ANKFN1: variants seen among roughly 807,000 people sequenced by gnomAD.
ANKFN1 encodes ankyrin repeat and fibronectin type III domain containing 1, also known as ankyrin repeat and fibronectin type-III domain-containing protein 1.
ANKFN1 carries 74 observed loss-of-function variants against 108.7 expected under a neutral mutation model. That is an observed-to-expected ratio of 0.68 (90% CI 0.56 to 0.83). ANKFN1 has a LOEUF of 0.83. Ranked by LOEUF, ANKFN1 falls within the 40% of genes least tolerant of loss-of-function variation. The pLI, the probability that ANKFN1 is intolerant of heterozygous loss-of-function variation, is 0.00. For synonymous variants in ANKFN1, 547 were observed against 516.2 expected (o/e 1.06, Z -0.81); for missense variants, 1,505 against 1,382.3 (o/e 1.09, Z -1.41).
At chr17:56,353,713 G>T in intron 5 of ANKFN1, 123 bp from the exon 6 acceptor site, 1 of 783,972 alleles carries the variant, frequency 1.3e-6, no homozygotes, top group Non-Finnish European at 2.1e-6. Context: ...GGGATAAATT[G>T]TAGTTATTCC....
chr17:56,372,071 T>C (rs1013720059), intron 6 of ANKFN1, among the ~76,000 whole-genome samples: 1 of 152,182 alleles, frequency 6.6e-6, no homozygotes, highest in Non-Finnish European at 1.5e-5. Context: ...GCGGAACTCT[T>C]TGTAAGCAAT....
chr17:56,256,040 A>G (rs1167470867), intron 3 of ANKFN1, among the ~76,000 whole-genome samples: 2 of 152,080 alleles, frequency 1.3e-5, no homozygotes, highest in African/African-American at 4.8e-5. Flanking sequence ...TAAAATATAG[A>G]GATAGTAATT....
chr17:56,348,134 A>T (rs1028853114), intron 4 of ANKFN1, among the ~76,000 whole-genome samples: 5 of 151,976 alleles, frequency 3.3e-5, no homozygotes, highest in Admixed American at 2.6e-4. Context: ...GTTAGAGAAA[A>T]CCTCCTATTT....
chr17:56,252,044 TTACAGAC>T (rs1471171427), intron 3 of ANKFN1, among the ~76,000 whole-genome samples: 1 of 152,222 alleles, frequency 6.6e-6, no homozygotes, highest in Admixed American at 6.5e-5. Context: ...TATTTGTGAA[TTACAGAC>T]TCTGGCTTAA....
intron 3 of ANKFN1, among the ~76,000 whole-genome samples, chr17:56,300,041 G>A (rs2044629440): frequency 6.6e-6 from 1 of 152,182 alleles, no homozygotes; most frequent in Non-Finnish European, 1.5e-5. Flanking sequence ...TAAATTTTCT[G>A]TCTTGAGAAA....
chr17:56,460,075 A>C (rs572317535), intron 14 of ANKFN1, among the ~76,000 whole-genome samples: 1 of 150,812 alleles, frequency 6.6e-6, no homozygotes, highest in African/African-American at 2.4e-5. Context: ...AAAATCACAA[A>C]AAAGGGCTGA....
intron 4 of ANKFN1, among the ~76,000 whole-genome samples, chr17:56,050,528 C>G (rs568543771): frequency 1.4e-5 from 2 of 145,952 alleles, no homozygotes; most frequent in African/African-American, 5.1e-5. Flanking sequence ...GGTTTTAGGT[C>G]TAACGTTTAA....
chr17:56,390,466 G>T (rs945343046), intron 8 of ANKFN1, among the ~76,000 whole-genome samples: 1 of 152,114 alleles, frequency 6.6e-6, no homozygotes, highest in Non-Finnish European at 1.5e-5. Flanking sequence ...ATTTGGGTTG[G>T]TTCCAAGTCT....
chr17:56,144,177 A>AAAAC lies in ANKFN1; in HGVS notation c.289-83737_289-83736insCAAA, dbSNP rs1319564233. Among the ~76,000 whole-genome samples, 22 of 120,492 alleles carry AAAAC rather than the reference A, an allele frequency of 1.8e-4. 1 individual carries two copies. Among genetic ancestry groups the AAAAC allele is most frequent in the African/African-American group, 5.7e-4 (20 of 34,878 alleles). The allele number at this position is 120,492 out of a possible 152,430, so 79.0% of individuals were successfully genotyped here. On this transcript the variant is annotated intron_variant, in intron 4 of 12. Transcript: ENST00000635860. ...ATCTGAAAAAAAAAAAAAAAAAAAA[A>AAAAC]AAAAAAAACAGCCCAAACCAAATGA...
At chr17:56,479,473 C>A (rs564509443) in intron 16 of ANKFN1, among the ~76,000 whole-genome samples, 1 of 152,314 alleles carries the variant, frequency 6.6e-6, no homozygotes, top group Non-Finnish European at 1.5e-5. Context: ...CAACAGTATG[C>A]CCAGATTGAA....
At chr17:56,203,927 G>A (rs1914278946) in intron 1 of ANKFN1, among the ~76,000 whole-genome samples, 1 of 152,174 alleles carries the variant, frequency 6.6e-6, no homozygotes, top group East Asian at 1.9e-4. Flanking sequence ...GGGAGGAAGA[G>A]GGGCAAGAAA....
At chr17:56,098,280 CAT>C (rs1332426861) in intron 4 of ANKFN1, among the ~76,000 whole-genome samples, 1 of 152,204 alleles carries the variant, frequency 6.6e-6, no homozygotes, top group Non-Finnish European at 1.5e-5. Context: ...TTTCAAGACA[CAT>C]AGTTTATGGT....
chr17:56,499,006 T>C lies in ANKFN1; in HGVS notation c.2552T>C (p.Leu851Pro). The C allele has an allele frequency of 6.5e-7, 1 of 1,535,756 alleles. No individual in the cohort carries two copies. Among genetic ancestry groups the C allele is most frequent in the Non-Finnish European group, 8.7e-7 (1 of 1,146,640 alleles). The change falls in exon 20 of 21, where the codon CTA becomes CCA. Residue 851 changes from leucine to proline, a missense_variant. By Grantham distance (98) the Leu-to-Pro change is moderately conservative. Transcript: ENST00000682825. ...KLIDPSDEQS[L>P]KKINSTSSSH... is the part of the protein sequence containing the mutation. ...ATAGACCCCTCAGATGAGCAGAGCC[T>C]AAAGAAGATCAATTCTACATCATCA...
At chr17:56,079,781 T>C (rs1905223550) in intron 4 of ANKFN1, among the ~76,000 whole-genome samples, 1 of 152,230 alleles carries the variant, frequency 6.6e-6, no homozygotes, top group Admixed American at 6.5e-5. Context: ...ACTCCCTTTT[T>C]GCACTGCCTA....
chr17:56,082,329 T>G (rs1388683488), intron 4 of ANKFN1, among the ~76,000 whole-genome samples: 1 of 151,854 alleles, frequency 6.6e-6, no homozygotes, highest in African/African-American at 2.4e-5. Flanking sequence ...CCTCTTGGCT[T>G]CTCCAAGTTT....
intron 4 of ANKFN1, among the ~76,000 whole-genome samples, chr17:56,071,011 G>A (rs1242906954): frequency 6.6e-6 from 1 of 152,118 alleles, no homozygotes; most frequent in Non-Finnish European, 1.5e-5. Flanking sequence ...TGGGATTACA[G>A]GCATAAGCCA....
intron 1 of ANKFN1, among the ~76,000 whole-genome samples, chr17:56,208,986 T>C (rs978026656): frequency 3.9e-5 from 6 of 152,124 alleles, no homozygotes; most frequent in African/African-American, 1.4e-4. Context: ...CAACCCATTC[T>C]CCTGCCTAGG....
chr17:56,091,828 T>G (rs1246875279), intron 4 of ANKFN1, among the ~76,000 whole-genome samples: 3 of 151,488 alleles, frequency 2.0e-5, no homozygotes, highest in Admixed American at 1.3e-4. Flanking sequence ...GGTAAATGTA[T>G]TAACTAGTTG....
chr17:56,168,003 A>G (rs1910319011), intron 1 of ANKFN1, among the ~76,000 whole-genome samples: 1 of 152,154 alleles, frequency 6.6e-6, no homozygotes, highest in Non-Finnish European at 1.5e-5. Flanking sequence ...GTGGTGGCTC[A>G]CACCTGTAAT....
Sources: gnomAD v4.1 joint callset for allele counts (sites outside exome capture counted in the v4.1 genomes callset) on GRCh38, gnomAD v4.1.1 for gene constraint, MANE v1.5 for transcripts, NCBI Gene and HGNC (gene_info 2026-07-23, HGNC 2026-07-21) for gene names.